Variants in TRPM5 observed in about 807,000 individuals in gnomAD.
The protein encoded by TRPM5 is transient receptor potential cation channel subfamily M member 5, also known as MLSN1 and TRP-related.
TRPM5 carries 121 observed loss-of-function variants against 124.9 expected under a neutral mutation model. The ratio of observed to expected loss-of-function variants is 0.97; its 90% CI spans 0.84 to 1.13. The LOEUF (loss-of-function observed/expected upper bound fraction) is 1.13. TRPM5 is among the 50% of genes most tolerant of loss of function. The pLI is 0.00. For synonymous variants in TRPM5, 781 were observed against 700.5 expected (o/e 1.11, Z -1.81); for missense variants, 1,643 against 1,589.1 (o/e 1.03, Z -0.58).
At chr11:2,409,766 G>A (rs537209539) in intron 18 of TRPM5, among the ~76,000 whole-genome samples, 2 of 152,282 alleles carry the variant, frequency 1.3e-5, no homozygotes, top group South Asian at 4.2e-4. Flanking sequence ...ACAAGTCTGA[G>A]ACTCTCAGTG....
intron 5 of TRPM5, 46 bp downstream of exon 10, chr11:2,418,481 C>G (rs781314605): frequency 4.4e-6 from 7 of 1,585,800 alleles, no homozygotes; most frequent in Non-Finnish European, 6.0e-6. Flanking sequence ...CACCGCACCC[C>G]TCCACAAGGC....
chr11:2,430,088 G>A, the TRPM5 span, among the ~76,000 whole-genome samples: 2 of 152,072 alleles, frequency 1.3e-5, no homozygotes, highest in Non-Finnish European at 2.9e-5. Flanking sequence ...AGCCAACTCT[G>A]GTTCAGTGCC....
intron 21 of TRPM5, 38 bp from the exon 27 acceptor site, chr11:2,406,129 C>T (rs763739334): frequency 1.1e-5 from 17 of 1,606,920 alleles, no homozygotes; most frequent in Middle Eastern, 1.6e-4. Flanking sequence ...TGGATGGCCA[C>T]GCGGTGCTCT....
At chr11:2,416,237 C>T (rs569778652) in intron 7 of TRPM5, among the ~76,000 whole-genome samples, 2 of 152,370 alleles carry the variant, frequency 1.3e-5, no homozygotes, top group African/African-American at 4.8e-5. Flanking sequence ...TGGTCTGCGT[C>T]GGGACGGCCC....
At chr11:2,414,328 G>A in intron 11 of TRPM5, 122 bp from the exon 17 acceptor site, 1 of 1,392,840 alleles carries the variant, frequency 7.2e-7, no homozygotes, top group Non-Finnish European at 9.6e-7. Context: ...TCAACACGCA[G>A]GGCCCAGCCA....
At chr11:2,408,037 G>C in intron 18 of TRPM5, 125 bp from the exon 24 acceptor site, 1 of 1,281,820 alleles carries the variant, frequency 7.8e-7, no homozygotes. Flanking sequence ...CTGGTTGGGT[G>C]ACCCACTGTC....
At chr11:2,408,464 G>A (rs1850369574) in intron 18 of TRPM5, among the ~76,000 whole-genome samples, 1 of 152,222 alleles carries the variant, frequency 6.6e-6, no homozygotes, top group African/African-American at 2.4e-5. Flanking sequence ...GAGCCAGCAG[G>A]CTCCAGACTG....
intron 15 of TRPM5, among the ~76,000 whole-genome samples, chr11:2,412,466 T>C (rs1850472202): frequency 6.6e-6 from 1 of 152,190 alleles, no homozygotes; most frequent in South Asian, 2.1e-4. Context: ...GGCCTCTTTG[T>C]GCCCAGGGTC....
At chr11:2,415,708 C>T (rs997366084) in intron 8 of TRPM5, among the ~76,000 whole-genome samples, 198 bp downstream of exon 13, 1 of 152,196 alleles carries the variant, frequency 6.6e-6, no homozygotes, top group East Asian at 1.9e-4. Context: ...TGGGGACAGC[C>T]GGCACCCAGC....
In TRPM5 at chr11:2,412,808, G is replaced by C. The variant is rs762070736; in HGVS notation, c.2301C>G (p.Pro767=). The C allele has an allele frequency of 1.4e-5, 22 of 1,603,402 alleles. No homozygotes were observed. The East Asian group carries it at 3.4e-4, about 24-fold the overall frequency. The change falls in exon 15 of 24, where the codon CCC becomes CCG. Residue 767 remains proline (P), a synonymous_variant. Transcript: ENST00000155858. ...AGACCCAGAAGTAGAGGGTGACCTC[G>C]GGCCCTGAGGGGCCCTGGGGGGGCG...
intron 22 of TRPM5, 35 bp downstream of exon 27, chr11:2,405,984 T>C: frequency 6.3e-7 from 1 of 1,589,214 alleles, no homozygotes; most frequent in Non-Finnish European, 8.6e-7. Context: ...GCCACCCGCC[T>C]CCCATCAGGG....
chr11:2,409,032 A>C (rs1589866529), intron 18 of TRPM5, among the ~76,000 whole-genome samples: 1 of 152,042 alleles, frequency 6.6e-6, no homozygotes, highest in Non-Finnish European at 1.5e-5. Flanking sequence ...CCTTGTTCCC[A>C]GGTTCCTGCC....
intron 19 of TRPM5, 36 bp from the exon 25 acceptor site, chr11:2,407,336 C>T (rs911263358): frequency 1.9e-6 from 3 of 1,579,950 alleles, no homozygotes; most frequent in African/African-American, 1.4e-5. Flanking sequence ...CCTACCGGCT[C>T]CCCACGACCA....
chr11:2,406,721 C>T (rs2133498442), exon 21 of TRPM5: 1 of 1,613,612 alleles, frequency 6.2e-7, no homozygotes, highest in Non-Finnish European at 8.5e-7. Context: ...CTCCATCTTG[C>T]TCAGGAAGTT....
chr11:2,421,448 G>A (rs1845770989), intron 2 of TRPM5, among the ~76,000 whole-genome samples: 1 of 152,164 alleles, frequency 6.6e-6, no homozygotes, highest in Admixed American at 6.5e-5. Flanking sequence ...CACCTGGAGC[G>A]CACAAACTGG....
At chr11:2,414,174 C>G (rs766422811) in exon 12 of TRPM5, 10 of 1,609,994 alleles carry the variant, frequency 6.2e-6, no homozygotes, top group Non-Finnish European at 8.5e-6. Context: ...AAGGCGCGGG[C>G]CTCACTGTTG....
upstream of TRPM5, among the ~76,000 whole-genome samples, chr11:2,423,637 G>C (rs115959482): frequency 1.3e-5 from 2 of 152,114 alleles, no homozygotes; most frequent in African/African-American, 4.8e-5. Flanking sequence ...GCCTTGCCCC[G>C]GCCCACACAG....
chr11:2,440,155 AG>A, the TRPM5 span, among the ~76,000 whole-genome samples: 2 of 137,816 alleles, frequency 1.5e-5, no homozygotes, highest in African/African-American at 6.6e-5. The surrounding 1 kb of genome is among the most constrained non-coding windows in gnomAD (Gnocchi z 5.2). Flanking sequence ...ATAGACATAG[AG>A]GGACAACAAT....
exon 23 of TRPM5, chr11:2,405,563 C>G: frequency 1.3e-6 from 2 of 1,566,080 alleles, no homozygotes; most frequent in Non-Finnish European, 1.7e-6. Context: ...ACGTCAGCCA[C>G]GGAGGACACG....
Sources: gnomAD v4.1 joint callset for allele counts (sites outside exome capture counted in the v4.1 genomes callset) on GRCh38, gnomAD v4.1.1 for gene constraint, Gnocchi (gnomAD v3.1) non-coding constraint, MANE v1.5 for transcripts, NCBI Gene and HGNC (gene_info 2026-07-23, HGNC 2026-07-21) for gene names.